Variants in PCDHA4 observed in about 807,000 individuals in gnomAD.
The protein encoded by PCDHA4 is protocadherin alpha-4.
PCDHA4 carries 49 observed loss-of-function variants against 61.4 expected under a neutral mutation model. That is an observed-to-expected ratio of 0.80 (90% CI 0.63 to 1.01). PCDHA4 has a LOEUF of 1.01. Among genes scored for constraint, PCDHA4 ranks in the 50% least tolerant of loss-of-function variants. PCDHA4 has a pLI of 0.00. For synonymous variants in PCDHA4, 590 were observed against 550.3 expected, an observed-to-expected ratio of 1.07 and a Z score of -1.01; for missense variants, 1,254 against 1,235.8, an observed-to-expected ratio of 1.01 and a Z score of -0.22.
intron 1 of PCDHA4, chr5:140,835,800 C>T (rs1773939889): frequency 2.5e-6 from 4 of 1,612,944 alleles, no homozygotes; most frequent in Non-Finnish European, 3.4e-6. Context: ...GCCGGGCTGC[C>T]ACATCTTCAC....
At chr5:140,955,652 A>T (rs1452679583) in intron 1 of PCDHA4, among the ~76,000 whole-genome samples, 2 of 152,180 alleles carry the variant, frequency 1.3e-5, no homozygotes, top group African/African-American at 4.8e-5. Context: ...ATTAATACAC[A>T]TATGAATTTT....
At chr5:140,863,510 T>G (rs782817870) in intron 1 of PCDHA4, 4 of 411,506 alleles carry the variant, frequency 9.7e-6, no homozygotes, top group Admixed American at 3.0e-5. Context: ...TTAGTCCTAG[T>G]GTTCTCCCAT....
At chr5:140,853,785 C>A in intron 1 of PCDHA4, 1 of 987,514 alleles carries the variant, frequency 1.0e-6, no homozygotes. Flanking sequence ...GTAGTAAGAG[C>A]AAATTTTCAT....
intron 1 of PCDHA4, among the ~76,000 whole-genome samples, chr5:140,881,802 G>A (rs1239090795): frequency 1.3e-5 from 2 of 152,182 alleles, no homozygotes; most frequent in Admixed American, 6.5e-5. Context: ...CCCAAAACGA[G>A]TGTCGAATAT....
chr5:140,998,893 C>T (rs144409989), intron 3 of PCDHA4, among the ~76,000 whole-genome samples: 1 of 152,306 alleles, frequency 6.6e-6, no homozygotes, highest in African/African-American at 2.4e-5. Flanking sequence ...GAATAAATAA[C>T]AATGCCTCCG....
intron 1 of PCDHA4, among the ~76,000 whole-genome samples, chr5:140,934,050 C>T (rs558726288): frequency 6.6e-6 from 1 of 151,952 alleles, no homozygotes; most frequent in East Asian, 1.9e-4. Flanking sequence ...TTAGTCTTTC[C>T]AAGGCTAACT....
rs1562298867 is a variant in PCDHA4, at chr5:140,828,664, A to C, written c.2385+19092A>C. On this transcript the variant is annotated intron_variant, in intron 1 of 3. Coordinates refer to ENST00000530339, the MANE Select transcript of PCDHA4 (RefSeq NM_018907.4). ...AAATAAACAGTGATGACAATAAACAAATTGGGCTCTTATTAAAGAAATCCT... is the reference window on the plus strand; with the variant it reads ...AAATAAACAGTGATGACAATAAACACATTGGGCTCTTATTAAAGAAATCCT... 1 of 1,614,094 alleles carries C rather than the reference A, an allele frequency of 6.2e-7. No homozygotes were observed. The highest frequency in any genetic ancestry group is 1.7e-5 in the Admixed American group (1 of 60,008).
intron 3 of PCDHA4, among the ~76,000 whole-genome samples, chr5:140,998,571 T>G (rs2097822082): frequency 1.0e-5 from 1 of 96,286 alleles, no homozygotes; most frequent in African/African-American, 3.7e-5. Flanking sequence ...GTAAATAAGT[T>G]TTTTTTTTTT....
intron 1 of PCDHA4, chr5:140,847,797 C>A (rs192930610): frequency 1.3e-5 from 2 of 149,780 alleles, no homozygotes; most frequent in African/African-American, 2.4e-5. Flanking sequence ...ATATTTTATA[C>A]CTTTTCAATT....
Position 140,807,915 on chromosome 5 carries a change from A to G in PCDHA4, c.728A>G (p.Asp243Gly), listed in dbSNP as rs1764063263. ...GCCAATGACAATGCCCCAGCTTTTG[A>G]CAGAACCATTTATAAGGTGAGATTA... ...LDANDNAPAF[D>G]RTIYKVRLLE... The change falls in exon 1 of 4, where the codon GAC becomes GGC. Residue 243 changes from aspartate (D) to glycine (G), a missense_variant. Coordinates refer to ENST00000530339, the MANE Select transcript of PCDHA4 (RefSeq NM_018907.4). The G allele has an allele frequency of 6.2e-7, 1 of 1,614,012 alleles. No individual in the cohort carries two copies. The highest frequency in any genetic ancestry group is 8.5e-7 in the Non-Finnish European group (1 of 1,179,994).
In PCDHA4 at chr5:140,830,512, T is replaced by C. The variant is rs2150187372; in HGVS notation, c.2385+20940T>C. The C allele has an allele frequency of 1.4e-4, 192 of 1,383,570 alleles. 1 individual carries two copies. The highest frequency in any genetic ancestry group is 1.8e-4 in the Non-Finnish European group (187 of 1,037,940). The allele number at this position is 1,383,570 out of a possible 1,614,324, so 85.7% of individuals were successfully genotyped here. On this transcript the variant is annotated intron_variant, in intron 1 of 3. Coordinates refer to ENST00000530339, the MANE Select transcript of PCDHA4 (RefSeq NM_018907.4). ...TAAGTGAATTTTCATAATTAACAGTTAATTTTTATTTTAAATTTATAATTG... is the reference window on the plus strand; with the variant it reads ...TAAGTGAATTTTCATAATTAACAGTCAATTTTTATTTTAAATTTATAATTG...
At chr5:140,922,023 T>C (rs1333266712) in intron 1 of PCDHA4, among the ~76,000 whole-genome samples, 3 of 152,086 alleles carry the variant, frequency 2.0e-5, no homozygotes, top group African/African-American at 7.2e-5. Context: ...AAAATAAATA[T>C]AAAAAATGTA....
At chr5:140,875,292 T>A in intron 1 of PCDHA4, 1 of 1,401,900 alleles carries the variant, frequency 7.1e-7, no homozygotes, top group Non-Finnish European at 9.3e-7. Flanking sequence ...ACAGGAAAAT[T>A]TTTTTCTCCG....
chr5:140,828,274 G>A (rs1554131158), intron 1 of PCDHA4: 4 of 1,613,956 alleles, frequency 2.5e-6, no homozygotes, highest in African/African-American at 1.3e-5. Flanking sequence ...AGCTGGTGCC[G>A]CGCCTGTTCA....
chr5:140,870,629 T>C, intron 1 of PCDHA4: 2 of 1,612,984 alleles, frequency 1.2e-6, no homozygotes, highest in East Asian at 4.5e-5. Flanking sequence ...TACGTGTCGG[T>C]GCACGCGGAG....
In PCDHA4 at chr5:141,010,363, G is replaced by A; in HGVS notation, c.*426G>A. On this transcript the variant is annotated 3_prime_UTR_variant, in exon 4 of 4. Coordinates refer to ENST00000530339, the MANE Select transcript of PCDHA4 (RefSeq NM_018907.4). ...CACTGGGTATGTGTGGCTACCGCGG[G>A]TATGCGAGTGCCAGATATTGGCTGA... 7 of 1,480,446 alleles carry A rather than the reference G, an allele frequency of 4.7e-6. No homozygotes were observed. The highest frequency in any genetic ancestry group is 5.4e-6 in the Non-Finnish European group (6 of 1,112,646). 91.7% of individuals were successfully genotyped at this position (1,480,446 alleles called of 1,614,324 possible). A position where few individuals can be genotyped will look rare whatever the true frequency, so the allele number is the denominator to read the frequency against.
intron 1 of PCDHA4, chr5:140,848,769 C>T: frequency 1.3e-6 from 2 of 1,593,410 alleles, no homozygotes; most frequent in Non-Finnish European, 1.7e-6. Flanking sequence ...TCGGATCGAC[C>T]GCGAGGAGCT....
Position 140,843,584 on chromosome 5 carries a change from C to T in PCDHA4, c.2385+34012C>T. On this transcript the variant is annotated intron_variant, in intron 1 of 3. Coordinates refer to ENST00000530339, the MANE Select transcript of PCDHA4 (RefSeq NM_018907.4). The stretch of plus-strand genomic sequence containing the variant: ...GAGCTGGTCATACTCGCAACAACAG[C>T]CGCAGAGGGTGTGCTCTGGTGAGGG... 1.9e-6 allele frequency: 3 copies of T among 1,595,998 alleles called. No homozygotes were observed. In the East Asian group the frequency reaches 6.7e-5, roughly 36 times the overall value.
intron 1 of PCDHA4, among the ~76,000 whole-genome samples, chr5:140,924,896 AAAAAAAAAATAAAAT>A (rs1195249436): frequency 5.8e-5 from 4 of 69,076 alleles, no homozygotes; most frequent in Non-Finnish European, 9.1e-5. Flanking sequence ...ACCTGTCTCA[AAAAAAAAAATAAAAT>A]AAAATAAAAT....
Sources: gnomAD v4.1 joint callset for allele counts (sites outside exome capture counted in the v4.1 genomes callset) on GRCh38, gnomAD v4.1.1 for gene constraint, MANE v1.5 for transcripts, NCBI Gene and HGNC (gene_info 2026-07-23, HGNC 2026-07-21) for gene names.